ARHGAP40: variants seen among roughly 807,000 people sequenced by gnomAD.
The protein encoded by ARHGAP40 is rho GTPase-activating protein 40.
Under a neutral mutation model 73.5 loss-of-function variants are expected in ARHGAP40, and 43 were observed. The ratio of observed to expected loss-of-function variants is 0.58; its 90% CI spans 0.46 to 0.75. The LOEUF is 0.75. Ranked by LOEUF, ARHGAP40 falls within the 30% of genes least tolerant of loss-of-function variation. The probability of loss-of-function intolerance (pLI) is 0.00; values close to 1 mark genes in which losing one functional copy is unlikely to be tolerated. For synonymous variants in ARHGAP40, 300 were observed against 352.8 expected (o/e 0.85, Z 1.68); for missense variants, 734 against 861.8 (o/e 0.85, Z 1.86).
At position 38,634,631 on chromosome 20, in the gene ARHGAP40, C is replaced by A. The variant is rs866353648; in HGVS notation, c.795C>A (p.Val265=). 11 of 1,305,338 alleles carry A rather than the reference C, an allele frequency of 8.4e-6. No individual in the cohort carries two copies. The Middle Eastern group carries it at 1.9e-3, about 226-fold the overall frequency. 80.9% of individuals were successfully genotyped at this position (1,305,338 alleles called of 1,614,324 possible). ...CTCTCTATTAATAGAAGTTTACCGT[C>A]CCCAAAGGCAGACTTGGCGTGACGA... The change falls in exon 6 of 15, where the codon GTC becomes GTA. Residue 265 remains valine, a synonymous_variant. Transcript: ENST00000373345.
At chr20:38,613,563 G>A (rs1362436601) in intron 1 of ARHGAP40, among the ~76,000 whole-genome samples, 1 of 152,096 alleles carries the variant, frequency 6.6e-6, no homozygotes, top group Admixed American at 6.5e-5. Flanking sequence ...CAGCCCATGG[G>A]CAGGGTGGAG....
chr20:38,640,309 T>C (rs1275090376), intron 9 of ARHGAP40, among the ~76,000 whole-genome samples: 2 of 151,524 alleles, frequency 1.3e-5, no homozygotes, highest in African/African-American at 2.4e-5. Context: ...CTTGAACTCT[T>C]GGGTTCAAGT....
At chr20:38,610,875 T>G (rs1479881863) in intron 1 of ARHGAP40, among the ~76,000 whole-genome samples, 1 of 146,862 alleles carries the variant, frequency 6.8e-6, no homozygotes, top group Non-Finnish European at 1.5e-5. Context: ...AATCTTGTGA[T>G]GTCTTTTCTT....
At chr20:38,649,950 C>G in exon 15 of ARHGAP40, 1 of 900,166 alleles carries the variant, frequency 1.1e-6, no homozygotes, top group Admixed American at 2.6e-5. Flanking sequence ...AGGGGAGGGT[C>G]TGAGTTTTAT....
intron 1 of ARHGAP40, among the ~76,000 whole-genome samples, chr20:38,607,613 A>G (rs2088778978): frequency 6.6e-6 from 1 of 152,138 alleles, no homozygotes; most frequent in Non-Finnish European, 1.5e-5. Flanking sequence ...GCCGCCCTTC[A>G]CAACCCTGGG....
At chr20:38,635,690 C>T (rs1457879870) in intron 6 of ARHGAP40, among the ~76,000 whole-genome samples, 1 of 151,656 alleles carries the variant, frequency 6.6e-6, no homozygotes, top group African/African-American at 2.4e-5. Flanking sequence ...CTATGAGACC[C>T]TGTTTCATAA....
At chr20:38,634,011 TGGGACTGTACCAA>T (rs2088957807) in intron 5 of ARHGAP40, among the ~76,000 whole-genome samples, 1 of 152,196 alleles carries the variant, frequency 6.6e-6, no homozygotes, top group African/African-American at 2.4e-5. Context: ...GCTATGTGCT[TGGGACTGTACCAA>T]GCACTCTATA....
chr20:38,613,812 T>A (rs1419683195), intron 1 of ARHGAP40, among the ~76,000 whole-genome samples: 2 of 152,220 alleles, frequency 1.3e-5, no homozygotes, highest in Non-Finnish European at 2.9e-5. Context: ...AAAATAGCCA[T>A]GCTTGTGACT....
rs548787206 is a variant in ARHGAP40, at chr20:38,639,214, C to T, written c.1120-13C>T. 81 of 1,304,764 alleles carry T rather than the reference C, an allele frequency of 6.2e-5. No homozygotes were observed. Among genetic ancestry groups the T allele is most frequent in the East Asian group, 2.8e-4 (5 of 18,008 alleles). 80.8% of individuals were successfully genotyped at this position (1,304,764 alleles called of 1,614,324 possible). A position where few individuals can be genotyped will look rare whatever the true frequency, so the allele number is the denominator to read the frequency against. On this transcript the variant is annotated splice_polypyrimidine_tract_variant and intron_variant, in intron 8 of 14. Coordinates refer to ENST00000373345, the Ensembl canonical transcript of ARHGAP40. ...CTGGGCCAACTGTGTTTTCATGCCCCGCCTTCCTGTAGGGGCTGGAACAGA... is the reference window on the plus strand; with the variant it reads ...CTGGGCCAACTGTGTTTTCATGCCCTGCCTTCCTGTAGGGGCTGGAACAGA...
Position 38,646,954 on chromosome 20 carries a change from C to A in ARHGAP40, c.1711-3C>A, listed in dbSNP as rs1475557347. On this transcript the variant is annotated splice_region_variant and splice_polypyrimidine_tract_variant and intron_variant, in intron 12 of 14. Transcript: ENST00000373345. This position sits in a 1 kb window ranked among gnomAD's most constrained non-coding sequence, Gnocchi z 4.5. ...ATGGATCTTTCTCTCTCTCTCTCTG[C>A]AGACTCCCAAGGTGGCAAAGATCCA... 4.6e-6 allele frequency: 6 copies of A among 1,304,104 alleles called. No homozygotes were observed. In the East Asian group the frequency reaches 2.2e-4, roughly 48 times the overall value. 80.8% of individuals were successfully genotyped at this position (1,304,104 alleles called of 1,614,324 possible).
At chr20:38,610,664 A>C (rs73296970) in intron 1 of ARHGAP40, among the ~76,000 whole-genome samples, 7,763 of 152,248 alleles carry the variant, frequency 0.051, 647 homozygotes, top group African/African-American at 0.18. Flanking sequence ...CAGATTCTTT[A>C]ATTTGCAATT....
intron 1 of ARHGAP40, among the ~76,000 whole-genome samples, chr20:38,622,692 C>T (rs1316944723): frequency 6.6e-6 from 1 of 152,196 alleles, no homozygotes; most frequent in Non-Finnish European, 1.5e-5. Flanking sequence ...CACATCCCTC[C>T]ATGCCTGCAG....
chr20:38,625,200 C>T (rs539837645), intron 2 of ARHGAP40, among the ~76,000 whole-genome samples: 1 of 152,236 alleles, frequency 6.6e-6, no homozygotes, highest in East Asian at 1.9e-4. Context: ...TCAGGAGATG[C>T]CCTGCATAGG....
intron 5 of ARHGAP40, 102 bp from the exon 6 acceptor site, chr20:38,634,518 C>T: frequency 4.7e-6 from 5 of 1,064,482 alleles, no homozygotes; most frequent in Non-Finnish European, 5.2e-6. Context: ...ATCCACGCTG[C>T]TCTTCCTTCT....
intron 11 of ARHGAP40, among the ~76,000 whole-genome samples, chr20:38,644,612 C>T (rs1418612301): frequency 6.0e-5 from 9 of 149,160 alleles, no homozygotes; most frequent in African/African-American, 7.5e-5. Context: ...TGCAACTGCC[C>T]GTCACCCACC....
chr20:38,608,933 G>T (rs934208308), intron 1 of ARHGAP40, among the ~76,000 whole-genome samples: 1 of 152,152 alleles, frequency 6.6e-6, no homozygotes. Context: ...GGCAAGAGTG[G>T]CCGGCTGAGT....
At chr20:38,627,415 T>C (rs1337509688) in intron 3 of ARHGAP40, among the ~76,000 whole-genome samples, 200 bp downstream of exon 3, 3 of 103,984 alleles carry the variant, frequency 2.9e-5, no homozygotes, top group African/African-American at 9.9e-5. Context: ...GGTATGTGTG[T>C]TGGGGGTGTG....
chr20:38,603,584 ATCTCTCTCTCTG>A (rs1395320137), intron 1 of ARHGAP40, among the ~76,000 whole-genome samples: 1 of 151,402 alleles, frequency 6.6e-6, no homozygotes, highest in African/African-American at 2.4e-5. Context: ...CTTATCTATC[ATCTCTCTCTCTG>A]TCTCTCTCTC....
At chr20:38,643,863 G>C (rs746846913) in exon 11 of ARHGAP40, 1 of 1,305,318 alleles carries the variant, frequency 7.7e-7, no homozygotes, top group South Asian at 1.2e-5. Context: ...AGAAGGGGCA[G>C]CCGAGGTGGT....
Sources: allele counts gnomAD v4.1 joint callset (sites outside exome capture counted in the v4.1 genomes callset), GRCh38; gene constraint gnomAD v4.1.1; non-coding constraint Gnocchi (gnomAD v3.1); transcripts MANE v1.5; gene names NCBI Gene and HGNC (gene_info 2026-07-23, HGNC 2026-07-21).